Variants in ARHGAP39 observed in about 807,000 individuals in gnomAD.
The protein encoded by ARHGAP39 is Rho GTPase activating protein 39.
Under a neutral mutation model 106.9 loss-of-function variants are expected in ARHGAP39, and 44 were observed. That is an observed-to-expected ratio of 0.41 (90% CI 0.32 to 0.53). The LOEUF is 0.53. Ranked by LOEUF, ARHGAP39 falls within the 20% of genes least tolerant of loss-of-function variation. ARHGAP39 has a pLI of 0.21. For synonymous variants in ARHGAP39, 768 were observed against 693.2 expected (o/e 1.11, Z -1.69); for missense variants, 1,496 against 1,577.3 (o/e 0.95, Z 0.87).
At chr8:144,607,325 G>A (rs1052848929) in intron 1 of ARHGAP39, among the ~76,000 whole-genome samples, 6 of 151,062 alleles carry the variant, frequency 4.0e-5, no homozygotes, top group Non-Finnish European at 8.8e-5. Context: ...GGCAAAAGCA[G>A]CCTCTGCTGT....
intron 2 of ARHGAP39, among the ~76,000 whole-genome samples, chr8:144,581,597 T>A (rs1458991783): frequency 1.3e-5 from 2 of 152,188 alleles, no homozygotes; most frequent in African/African-American, 4.8e-5. Context: ...TGCCCACTGC[T>A]CCGTCCTGCA....
chr8:144,686,979 C>A (rs1233003776), upstream of ARHGAP39, among the ~76,000 whole-genome samples: 1 of 105,980 alleles, frequency 9.4e-6, no homozygotes, highest in Non-Finnish European at 1.9e-5. Flanking sequence ...ACTTCCCACC[C>A]CCGTGACCAC....
At position 144,575,857 on chromosome 8, in the gene ARHGAP39, G is replaced by A. The variant is rs138614601; in HGVS notation, c.512+4989C>T. 5.0e-3 allele frequency among the ~76,000 whole-genome samples: 762 copies of A among 152,284 alleles called. 4 individuals carry two copies. Among genetic ancestry groups the A allele is most frequent in the African/African-American group, 0.012 (499 of 41,552 alleles). On this transcript the variant is annotated intron_variant, in intron 3 of 11. Coordinates refer to ENST00000377307, the MANE Select transcript of ARHGAP39 (RefSeq NM_025251.3). ...TACGCCAGCATCACCACAGACTTGC[G>A]AGTACGGTGTTGCACACAACCATGG... is the stretch of plus-strand genomic sequence containing the variant.
chr8:144,530,408 C>T lies in ARHGAP39; in HGVS notation c.*14G>A, dbSNP rs1456087654. ...GGGGCGGCAGGACATCCCTCCTGTC[C>T]CCGGGCGCCCCCGCTACAGCACACC... is the stretch of plus-strand genomic sequence containing the variant. On this transcript the variant is annotated 3_prime_UTR_variant, in exon 12 of 12. Transcript: ENST00000377307. 1 of 1,582,148 alleles carries T rather than the reference C, an allele frequency of 6.3e-7. No individual in the cohort carries two copies. Among genetic ancestry groups the T allele is most frequent in the East Asian group, 2.3e-5 (1 of 43,216 alleles).
chr8:144,612,818 A>G (rs1307697628), intron 1 of ARHGAP39, among the ~76,000 whole-genome samples: 2 of 152,278 alleles, frequency 1.3e-5, no homozygotes, highest in Admixed American at 1.3e-4. Context: ...GCACCACTGC[A>G]CTCCAGCCGG....
At chr8:144,603,113 G>T (rs1384537187) in intron 2 of ARHGAP39, among the ~76,000 whole-genome samples, 2 of 145,798 alleles carry the variant, frequency 1.4e-5, no homozygotes, top group Admixed American at 1.4e-4. Context: ...ATCTGTGTGC[G>T]TGGAGGCGTG....
chr8:144,536,939 G>A (rs1816979973), intron 7 of ARHGAP39, among the ~76,000 whole-genome samples: 1 of 152,246 alleles, frequency 6.6e-6, no homozygotes, highest in Non-Finnish European at 1.5e-5. Flanking sequence ...AGGAAGTGGA[G>A]CAGAGAGGTG....
intron 2 of ARHGAP39, among the ~76,000 whole-genome samples, chr8:144,588,191 A>T (rs887970671): frequency 6.6e-6 from 1 of 152,214 alleles, no homozygotes; most frequent in African/African-American, 2.4e-5. Context: ...GCAGCTTAAG[A>T]CCTGGCAGGA....
In ARHGAP39 at chr8:144,547,675, C is replaced by T. The variant is rs1306232516; in HGVS notation, c.1411G>A (p.Asp471Asn). The change falls in exon 5 of 12, where the codon GAT (aspartate) becomes AAT (asparagine). Residue 471 changes from aspartate to asparagine, a missense_variant. Asp to Asn is a conservative substitution (Grantham distance 23). Around this residue, in one of 4 missense-constraint regions of ARHGAP39, gnomAD observed 905 missense variants for 816.4 expected, o/e 1.11. Transcript: ENST00000377307. This position sits in a 1 kb window ranked among gnomAD's most constrained non-coding sequence, Gnocchi z 5.2. Reference protein sequence around the residue: ...PPTPLPQAQEDAMSWSSQQDT... With the variant: ...PPTPLPQAQENAMSWSSQQDT... The stretch of plus-strand genomic sequence containing the variant: ...TGCTGGCTGGACCAGGACATGGCAT[C>T]CTCCTGGGCCTGTGGCAGCGGCGTG... The T allele has an allele frequency of 2.6e-6, 4 of 1,567,680 alleles. No homozygotes were observed. Among genetic ancestry groups the T allele is most frequent in the East Asian group, 4.6e-5 (2 of 43,260 alleles).
intron 2 of ARHGAP39, among the ~76,000 whole-genome samples, chr8:144,595,810 C>T (rs1450146935): frequency 6.6e-6 from 1 of 152,322 alleles, no homozygotes; most frequent in South Asian, 2.1e-4. Flanking sequence ...GCCCCCAGCA[C>T]AGCTCCTGGC....
At position 144,589,316 on chromosome 8, in the gene ARHGAP39, C is replaced by T. The variant is rs188962957; in HGVS notation, c.81-8039G>A. Among the ~76,000 whole-genome samples the T allele has an allele frequency of 1.1e-4, 17 of 152,312 alleles. No homozygotes were observed. The East Asian group carries it at 1.7e-3, about 16-fold the overall frequency. ...ATAAGTAGCACAGTCGGCCTCATTT[C>T]GGAGCCAGCAGCTGCTCCTCCATGC... On this transcript the variant is annotated intron_variant, in intron 2 of 11. Transcript: ENST00000377307.
chr8:144,662,392 T>C (rs1053964109), intron 1 of ARHGAP39, among the ~76,000 whole-genome samples: 2 of 142,770 alleles, frequency 1.4e-5, no homozygotes, highest in African/African-American at 5.3e-5. Context: ...TCCCCATTAT[T>C]ATCCAGCTTG....
intron 4 of ARHGAP39, among the ~76,000 whole-genome samples, chr8:144,550,540 G>A (rs1344990287): frequency 1.3e-5 from 2 of 152,266 alleles, no homozygotes; most frequent in African/African-American, 2.4e-5. Context: ...ATTCCCCATT[G>A]CCTGGGGGGT....
intron 1 of ARHGAP39, among the ~76,000 whole-genome samples, chr8:144,681,611 A>C (rs1025426046): frequency 1.3e-5 from 2 of 152,192 alleles, no homozygotes; most frequent in Non-Finnish European, 2.9e-5. Context: ...CATTCTCTGA[A>C]CTACTATTGA....
chr8:144,655,659 G>A (rs958193962), intron 1 of ARHGAP39, among the ~76,000 whole-genome samples: 1 of 152,122 alleles, frequency 6.6e-6, no homozygotes, highest in African/African-American at 2.4e-5. Context: ...GGTCTCCTCT[G>A]AGCTGTTCTA....
intron 3 of ARHGAP39, among the ~76,000 whole-genome samples, chr8:144,574,076 T>C (rs1056063182): frequency 3.1e-4 from 44 of 143,818 alleles, no homozygotes; most frequent in African/African-American, 1.1e-3. Context: ...AGGAGGCTGA[T>C]GCACGAGAAT....
Position 144,547,621 on chromosome 8 carries a change from G to C in ARHGAP39, c.1465C>G (p.Pro489Ala). 1.3e-6 allele frequency: 2 copies of C among 1,503,276 alleles called. No individual in the cohort carries two copies. Among genetic ancestry groups the C allele is most frequent in the South Asian group, 2.6e-5 (2 of 78,002 alleles). 93.1% of individuals were successfully genotyped at this position (1,503,276 alleles called of 1,614,324 possible). A position where few individuals can be genotyped will look rare whatever the true frequency, so the allele number is the denominator to read the frequency against. ...CTGCTCTTCCGCTTGCGCGTGCCCG[G>C]GGAGTAGCCTGTGGAGGACAGGGTG... ...QDTLSSTGYS[P>A]GTRKRKSRKP... Residue 489 changes from proline (P) to alanine (A), a missense_variant, in exon 5 of 12, where the codon CCG becomes GCG. Around this residue, in one of 4 missense-constraint regions of ARHGAP39, gnomAD observed 905 missense variants for 816.4 expected, o/e 1.11. Coordinates refer to ENST00000377307, the MANE Select transcript of ARHGAP39 (RefSeq NM_025251.3). This position sits in a 1 kb window ranked among gnomAD's most constrained non-coding sequence, Gnocchi z 5.2.
Position 144,547,129 on chromosome 8 carries a change from G to C in ARHGAP39, c.1957C>G (p.Gln653Glu). ...AGCCGCGCCCATTGGGCCCTCACCT[G>C]TGAGGGGTGGAGGTAGGGCTCTGGT... ...ASPEPYLHPSQSEDLAACAQF... is the reference protein window; with the variant it reads ...ASPEPYLHPSESEDLAACAQF... Residue 653 changes from glutamine to glutamate, a missense_variant and splice_region_variant, in exon 5 of 12, where the codon CAG becomes GAG. Physicochemically the swap from Gln to Glu is conservative, Grantham distance 29. This residue lies in a region of ARHGAP39 where 905 missense variants were observed against 816.4 expected (regional missense o/e 1.11). Coordinates refer to ENST00000377307, the MANE Select transcript of ARHGAP39 (RefSeq NM_025251.3). This position sits in a 1 kb window ranked among gnomAD's most constrained non-coding sequence, Gnocchi z 5.2. 1 of 1,592,800 alleles carries C rather than the reference G, an allele frequency of 6.3e-7. No individual in the cohort carries two copies. Among genetic ancestry groups the C allele is most frequent in the Non-Finnish European group, 8.6e-7 (1 of 1,169,326 alleles).
At chr8:144,678,987 G>T (rs1233171874) in intron 1 of ARHGAP39, among the ~76,000 whole-genome samples, 2 of 152,168 alleles carry the variant, frequency 1.3e-5, no homozygotes, top group East Asian at 3.9e-4. Flanking sequence ...CTGGCAAGAG[G>T]ACCTGGAGCC....
Sources: allele counts gnomAD v4.1 joint callset (sites outside exome capture counted in the v4.1 genomes callset), GRCh38; gene constraint gnomAD v4.1.1; regional missense constraint gnomAD v4.1.1; non-coding constraint Gnocchi (gnomAD v3.1); transcripts MANE v1.5; gene names NCBI Gene and HGNC (gene_info 2026-07-23, HGNC 2026-07-21).